FIGNL2: variants seen among roughly 807,000 people sequenced by gnomAD.
FIGNL2 encodes fidgetin like 2, also known as fidgetin-like protein 2.
For synonymous variants in FIGNL2, 565 were observed against 484.0 expected, an observed-to-expected ratio of 1.17 and a Z score of -2.20; for missense variants, 1,060 against 950.2, an observed-to-expected ratio of 1.12 and a Z score of -1.52.
At chr12:51,826,882 A>G (rs1430338310) in intron 1 of FIGNL2, among the ~76,000 whole-genome samples, 2 of 151,280 alleles carry the variant, frequency 1.3e-5, no homozygotes, top group Admixed American at 1.3e-4. Context: ...CTGAATACAC[A>G]CCAACATGTA....
Position 51,844,731 on chromosome 12 carries a change from C to T in FIGNL2, c.-12+3809G>A, listed in dbSNP as rs1418420632. 6 of 985,174 alleles carry T rather than the reference C, an allele frequency of 6.1e-6. No homozygotes were observed. The African/African-American group carries it at 1.0e-4, about 17-fold the overall frequency. The allele number at this position is 985,174 out of a possible 1,614,324, so 61.0% of individuals were successfully genotyped here. A position where few individuals can be genotyped will look rare whatever the true frequency, so the allele number is the denominator to read the frequency against. On this transcript the variant is annotated intron_variant, in intron 1 of 1. Coordinates refer to ENST00000618634, the MANE Select transcript of FIGNL2 (RefSeq NM_001384995.1). ...CCACTTGTTCCTGGAGACAAGTGGA[C>T]CCTAAAAAAAAAGCTGGACAGCCTC...
intron 1 of FIGNL2, chr12:51,831,655 G>A (rs1939471975): frequency 6.5e-6 from 1 of 153,666 alleles, no homozygotes; most frequent in Middle Eastern, 7.9e-4. Context: ...TAGAACAAAG[G>A]ATGAACCGAG....
chr12:51,833,623 T>C (rs1162719455), intron 1 of FIGNL2, among the ~76,000 whole-genome samples: 1 of 151,788 alleles, frequency 6.6e-6, no homozygotes, highest in East Asian at 1.9e-4. Context: ...CCCGCCACGC[T>C]GCTTTCCACC....
chr12:51,821,490 C>A lies in FIGNL2; in HGVS notation c.924G>T (p.Gly308=). The part of the protein sequence containing the change: ...AADNGECRGN[G]FRAKPPGAAE... ...CGGCTCCTGGCGGCTTGGCCCGGAA[C>A]CCGTTGCCCCGACATTCGCCGTTGT... is the stretch of plus-strand genomic sequence containing the variant. The change falls in exon 2 of 2, where the codon GGG becomes GGT. Residue 308 remains glycine (G), a synonymous_variant. Coordinates refer to ENST00000618634, the MANE Select transcript of FIGNL2 (RefSeq NM_001384995.1). 1 of 1,555,408 alleles carries A rather than the reference C, an allele frequency of 6.4e-7. No individual in the cohort carries two copies. The highest frequency in any genetic ancestry group is 8.6e-7 in the Non-Finnish European group (1 of 1,157,874).
rs552162377 is a variant in FIGNL2, at chr12:51,843,477, G to T, written c.-12+5063C>A. The stretch of plus-strand genomic sequence containing the variant: ...GCATGAGAATTGCTTGAACCCAGGA[G>T]GTGGTGGTTGCAGTGAGCAAAGATC... On this transcript the variant is annotated intron_variant, in intron 1 of 1. Transcript: ENST00000618634. 1.0e-3 allele frequency among the ~76,000 whole-genome samples: 159 copies of T among 152,142 alleles called. 1 individual carries two copies. Among genetic ancestry groups the T allele is most frequent in the African/African-American group, 3.6e-3 (150 of 41,502 alleles).
intron 1 of FIGNL2, among the ~76,000 whole-genome samples, chr12:51,840,305 C>T (rs757128017): frequency 1.3e-5 from 2 of 152,184 alleles, no homozygotes; most frequent in Non-Finnish European, 2.9e-5. Flanking sequence ...CCTGCATGGG[C>T]GAGAGATGGA....
At chr12:51,846,798 C>G (rs1939760151) in intron 1 of FIGNL2, among the ~76,000 whole-genome samples, 1 of 152,232 alleles carries the variant, frequency 6.6e-6, no homozygotes, top group Non-Finnish European at 1.5e-5. Context: ...ACTCCTCTGC[C>G]CCACACAGCC....
intron 1 of FIGNL2, chr12:51,846,985 G>A (rs1939764986): frequency 1.0e-6 from 1 of 981,842 alleles, no homozygotes. Context: ...ACCCCAGCAA[G>A]CCCCGCCCCT....
At chr12:51,840,785 G>A (rs1230354860) in intron 1 of FIGNL2, among the ~76,000 whole-genome samples, 1 of 152,162 alleles carries the variant, frequency 6.6e-6, no homozygotes, top group East Asian at 1.9e-4. Flanking sequence ...ACTCCTCAGG[G>A]TCATGGACCA....
At chr12:51,832,205 C>T (rs1209837123) in intron 1 of FIGNL2, among the ~76,000 whole-genome samples, 1 of 151,994 alleles carries the variant, frequency 6.6e-6, no homozygotes, top group East Asian at 1.9e-4. Context: ...TTAGTAGAGA[C>T]AGGGTTTCTC....
chr12:51,845,951 A>G (rs1026967407), intron 1 of FIGNL2, among the ~76,000 whole-genome samples: 20 of 151,874 alleles, frequency 1.3e-4, no homozygotes, highest in African/African-American at 4.8e-4. Flanking sequence ...GGGTAGGGTC[A>G]TGGGGAGGAG....
chr12:51,834,776 A>G (rs927094346), intron 1 of FIGNL2, among the ~76,000 whole-genome samples: 1 of 152,168 alleles, frequency 6.6e-6, no homozygotes, highest in Non-Finnish European at 1.5e-5. Context: ...TTGCTCTGAG[A>G]GGCCAGGCCA....
rs967107870 is a variant in FIGNL2, at chr12:51,820,906, CCGT to C, written c.1505_1507del (p.Asp502del). On this transcript the variant is annotated inframe_deletion, in exon 2 of 2. Transcript: ENST00000618634. Reference sequence around the variant, plus strand: ...CTGCAGCGCGCCCCCTGCCGCCGCGCCGTCGTCCCGGGCGGGGAGCAGCGCCTC... The same window carrying C: ...CTGCAGCGCGCCCCCTGCCGCCGCGCCGTCCCGGGCGGGGAGCAGCGCCTC... 3.7e-6 allele frequency: 5 copies of C among 1,334,226 alleles called. No homozygotes were observed. The highest frequency in any genetic ancestry group is 4.8e-6 in the Non-Finnish European group (5 of 1,050,604). The allele number at this position is 1,334,226 out of a possible 1,614,324, so 82.6% of individuals were successfully genotyped here.
Position 51,821,751 on chromosome 12 carries a change from C to T in FIGNL2, c.663G>A (p.Pro221=). 1 of 1,256,026 alleles carries T rather than the reference C, an allele frequency of 8.0e-7. No individual in the cohort carries two copies. Among genetic ancestry groups the T allele is most frequent in the Non-Finnish European group, 1.0e-6 (1 of 1,000,260 alleles). The allele number at this position is 1,256,026 out of a possible 1,614,324, so 77.8% of individuals were successfully genotyped here. A position where few individuals can be genotyped will look rare whatever the true frequency, so the allele number is the denominator to read the frequency against. ...AGGGGGCCGGGGGTGGGCCTGGGGG[C>T]GGCGGGAGCGCGCCATAGCCGGGCT... ...AAQPGYGALP[P]PPGPPPAPYL... Residue 221 remains proline (P), a synonymous_variant, in exon 2 of 2, where the codon CCG becomes CCA. Coordinates refer to ENST00000618634, the MANE Select transcript of FIGNL2 (RefSeq NM_001384995.1).
At chr12:51,838,361 C>T (rs1475579189) in intron 1 of FIGNL2, among the ~76,000 whole-genome samples, 1 of 152,138 alleles carries the variant, frequency 6.6e-6, no homozygotes, top group East Asian at 1.9e-4. Flanking sequence ...TTCCCTTCTC[C>T]CCTTTCTCCA....
At chr12:51,842,988 A>G (rs532260360) in intron 1 of FIGNL2, among the ~76,000 whole-genome samples, 1 of 152,198 alleles carries the variant, frequency 6.6e-6, no homozygotes, top group African/African-American at 2.4e-5. Context: ...GCCATGATAC[A>G]TGCTAGGCAC....
At position 51,821,517 on chromosome 12, in the gene FIGNL2, C is replaced by T. The variant is rs370076584; in HGVS notation, c.897G>A (p.Ala299=). 14 of 1,566,676 alleles carry T rather than the reference C, an allele frequency of 8.9e-6. No homozygotes were observed. The highest frequency in any genetic ancestry group is 1.4e-5 in the African/African-American group (1 of 72,210). The part of the protein sequence containing the change: ...PVADGASYPA[A]DNGECRGNGF... Reference sequence around the variant, plus strand: ...CGTTGCCCCGACATTCGCCGTTGTCCGCGGCGGGGTAGGAGGCTCCGTCAG... The same window carrying T: ...CGTTGCCCCGACATTCGCCGTTGTCTGCGGCGGGGTAGGAGGCTCCGTCAG... Residue 299 remains alanine, a synonymous_variant, in exon 2 of 2, where the codon GCG becomes GCA. Coordinates refer to ENST00000618634, the MANE Select transcript of FIGNL2 (RefSeq NM_001384995.1).
At chr12:51,847,900 T>C (rs1309603477) in intron 1 of FIGNL2, 1 of 891,074 alleles carries the variant, frequency 1.1e-6, no homozygotes. Flanking sequence ...AGGGTGAAGG[T>C]GAGTACAGCC....
Position 51,821,574 on chromosome 12 carries a change from C to G in FIGNL2, c.840G>C (p.Lys280Asn). 1 of 1,531,516 alleles carries G rather than the reference C, an allele frequency of 6.5e-7. No individual in the cohort carries two copies. The highest frequency in any genetic ancestry group is 8.7e-7 in the Non-Finnish European group (1 of 1,146,938). 94.9% of individuals were successfully genotyped at this position (1,531,516 alleles called of 1,614,324 possible). A position where few individuals can be genotyped will look rare whatever the true frequency, so the allele number is the denominator to read the frequency against. Residue 280 changes from lysine to asparagine, a missense_variant, in exon 2 of 2, where the codon AAG becomes AAC. Coordinates refer to ENST00000618634, the MANE Select transcript of FIGNL2 (RefSeq NM_001384995.1). ...GGGCCTTGGCGGGCTCGTACGCGTA[C>G]TTGCGGTAGCGGCCCTCGGGCCCCT... ...ADEGPEGRYR[K>N]YAYEPAKAPV...
Sources: allele counts gnomAD v4.1 joint callset (sites outside exome capture counted in the v4.1 genomes callset), GRCh38; gene constraint gnomAD v4.1.1; transcripts MANE v1.5; gene names NCBI Gene and HGNC (gene_info 2026-07-23, HGNC 2026-07-21).